The following CDK16 variants were observed in gnomAD, a reference collection of about 807,000 sequenced individuals.
The protein encoded by CDK16 is cyclin dependent kinase 16, also known as cyclin-dependent kinase 16.
CDK16 carries 2 observed loss-of-function variants against 41.6 expected under a neutral mutation model. That is an observed-to-expected ratio of 0.05 (90% CI 0.02 to 0.15). The LOEUF (loss-of-function observed/expected upper bound fraction) is 0.15. Ranked by LOEUF, CDK16 falls within the 10% of genes least tolerant of loss-of-function variation. CDK16 has a pLI of 1.00. For synonymous variants in CDK16, 169 were observed against 169.7 expected, an observed-to-expected ratio of 1.00 and a Z score of 0.03; for missense variants, 228 against 428.9, an observed-to-expected ratio of 0.53 and a Z score of 4.14.
At chrX:47,219,562 A>C (rs1483695261) in intron 1 of CDK16, among the ~76,000 whole-genome samples, 1 of 110,295 alleles carries the variant, frequency 9.1e-6, no homozygotes, top group Non-Finnish European at 1.9e-5. Flanking sequence ...AGACATGCTC[A>C]TAGGGATTAT....
At chrX:47,220,201 A>G (rs1330057672) in intron 1 of CDK16, among the ~76,000 whole-genome samples, 2 of 109,255 alleles carry the variant, frequency 1.8e-5, no homozygotes, top group Non-Finnish European at 3.8e-5. Context: ...TGAAGTCTGG[A>G]ATATGCTAAT....
intron 14 of CDK16, chrX:47,227,938 TCC>T (rs2055262600): frequency 8.5e-6 from 1 of 117,986 alleles, no homozygotes; most frequent in Non-Finnish European, 1.8e-5. Context: ...GTTTTTTCTG[TCC>T]TTGTACTTTA....
intron 13 of CDK16, 51 bp from the exon 14 acceptor site, chrX:47,227,328 C>A: frequency 9.0e-7 from 1 of 1,117,128 alleles, no homozygotes; most frequent in Non-Finnish European, 1.2e-6. Flanking sequence ...GGCAGAGAGA[C>A]CTACTTGTTG....
At position 47,227,119 on chromosome X, in the gene CDK16, G is replaced by A; in HGVS notation, c.1241+20G>A. On this transcript the variant is annotated intron_variant, in intron 12 of 15. Transcript: ENST00000357227. ...ACCCCGGTGAGGCTGGTGGGTGGGT[G>A]GGCGTTAGGGGCCAGAGTGTCCAAA... 1 of 1,205,855 alleles carries A rather than the reference G, an allele frequency of 8.3e-7. No individual in the cohort carries two copies. The highest frequency in any genetic ancestry group is 1.1e-6 in the Non-Finnish European group (1 of 890,403).
Position 47,225,002 on chromosome X carries a change from C to A in CDK16, c.534C>A (p.Thr178=), listed in dbSNP as rs1937513598. ...LDKLGEGTYA[T]VYKGKSKLTD... is the part of the protein sequence containing the mutation. Reference sequence around the variant, plus strand: ...TCACATTCCAGGGTACCTATGCCACCGTCTACAAAGGCAAAAGCAAGCTCA... The same window carrying A: ...TCACATTCCAGGGTACCTATGCCACAGTCTACAAAGGCAAAAGCAAGCTCA... Residue 178 remains threonine, a synonymous_variant, in exon 6 of 16, where the codon ACC becomes ACA. Transcript: ENST00000357227. The A allele has an allele frequency of 8.3e-7, 1 of 1,206,937 alleles. No homozygotes were observed. Among genetic ancestry groups the A allele is most frequent in the Non-Finnish European group, 1.1e-6 (1 of 892,611 alleles).
chrX:47,229,491 G>A lies in CDK16; in HGVS notation c.*723G>A, dbSNP rs913009793. On this transcript the variant is annotated 3_prime_UTR_variant, in exon 16 of 16. Coordinates refer to ENST00000357227, the MANE Select transcript of CDK16 (RefSeq NM_006201.5). ...ATGGGAAAGCATGCCACAGCCACTC[G>A]CCTTCCTACCCCCGCCCGCCATCCC... The A allele has an allele frequency of 2.9e-5, 8 of 280,326 alleles. No individual in the cohort carries two copies. The highest frequency in any genetic ancestry group is 4.8e-5 in the Non-Finnish European group (7 of 145,840). 23.1% of individuals were successfully genotyped at this position (280,326 alleles called of 1,213,427 possible). A position where few individuals can be genotyped will look rare whatever the true frequency, so the allele number is the denominator to read the frequency against.
upstream of CDK16, chrX:47,218,370 T>C: frequency 5.5e-6 from 2 of 363,844 alleles, no homozygotes; most frequent in Non-Finnish European, 4.7e-6. Context: ...CTCAAGGGAC[T>C]AGAACTGAGT....
Position 47,224,395 on chromosome X carries a change from C to T in CDK16, c.213C>T (p.His71=), listed in dbSNP as rs760484076. ...TCTCCCTGCCACCAGAGATTGTGCA[C>T]GAGGACTTGAAGATGGGGTCTGATG... ...GPLSSAPEIV[H]EDLKMGSDGE... The change falls in exon 3 of 16, where the codon CAC becomes CAT. Residue 71 remains histidine, a synonymous_variant. Transcript: ENST00000357227. 84 of 1,189,939 alleles carry T rather than the reference C, an allele frequency of 7.1e-5. No homozygotes were observed. The highest frequency in any genetic ancestry group is 9.0e-5 in the Non-Finnish European group (80 of 884,291).
rs756986406 is a variant in CDK16, at chrX:47,224,480, C to T, written c.298C>T (p.Arg100Cys). ...SDEVQSPVRV[R>C]MRNHPPRKIS... is the part of the protein sequence containing the mutation. ...TGAGGTGCAGTCTCCAGTGAGAGTG[C>T]GTATGCGCAACCATCCCCCACGCAA... Residue 100 changes from arginine to cysteine, a missense_variant, in exon 3 of 16, where the codon CGT becomes TGT. Around this residue, in one of 3 missense-constraint regions of CDK16, gnomAD observed 71 missense variants for 102.2 expected, o/e 0.69. Coordinates refer to ENST00000357227, the MANE Select transcript of CDK16 (RefSeq NM_006201.5). 21 of 1,202,067 alleles carry T rather than the reference C, an allele frequency of 1.7e-5. No individual in the cohort carries two copies. Among genetic ancestry groups the T allele is most frequent in the East Asian group, 3.0e-5 (1 of 33,627 alleles).
In CDK16 at chrX:47,223,561, G is replaced by A; in HGVS notation, c.4G>A (p.Asp2Asn). The A allele has an allele frequency of 8.3e-7, 1 of 1,210,940 alleles. No individual in the cohort carries two copies. Among genetic ancestry groups the A allele is most frequent in the Non-Finnish European group, 1.1e-6 (1 of 894,753 alleles). Reference sequence around the variant, plus strand: ...CTTGTCCCTTGCTCAGATCGCCATGGATCGGATGAAGAAGATCAAACGGCA... The same window carrying A: ...CTTGTCCCTTGCTCAGATCGCCATGAATCGGATGAAGAAGATCAAACGGCA... M[D>N]RMKKIKRQLS... The change falls in exon 2 of 16, where the codon GAT becomes AAT. Residue 2 changes from aspartate to asparagine, a missense_variant. Physicochemically the swap from Asp to Asn is conservative, Grantham distance 23 (BLOSUM62 1). Coordinates refer to ENST00000357227, the MANE Select transcript of CDK16 (RefSeq NM_006201.5).
intron 6 of CDK16, 99 bp from the exon 7 acceptor site, chrX:47,225,673 A>G: frequency 1.6e-6 from 1 of 624,054 alleles, no homozygotes; most frequent in African/African-American, 2.2e-5. Context: ...AGAGAAAGAA[A>G]GAAAACCTGG....
rs1421176095 is a variant in CDK16 at position 47,226,523 on chromosome X, C to G, written c.917-60C>G. The G allele has an allele frequency of 5.7e-5, 68 of 1,197,069 alleles. 2 individuals are homozygous for G. In the South Asian group the frequency reaches 1.1e-3, roughly 19 times the overall value. ...TAGGACACCCTCAGTCTCAACTGCA[C>G]TCTCCCCGAGACTTTGCCCATGACT... On this transcript the variant is annotated intron_variant, in intron 9 of 15. Transcript: ENST00000357227.
chrX:47,224,975 C>A lies in CDK16; in HGVS notation c.520-13C>A. On this transcript the variant is annotated splice_polypyrimidine_tract_variant and intron_variant, in intron 5 of 15. Coordinates refer to ENST00000357227, the MANE Select transcript of CDK16 (RefSeq NM_006201.5). The stretch of plus-strand genomic sequence containing the variant: ...TCATAGCACCTCTCCTGTCACACTT[C>A]CTCACATTCCAGGGTACCTATGCCA... The A allele has an allele frequency of 1.7e-6, 2 of 1,201,496 alleles. No individual in the cohort carries two copies. Among genetic ancestry groups the A allele is most frequent in the African/African-American group, 1.7e-5 (1 of 57,414 alleles).
At position 47,228,814 on chromosome X, in the gene CDK16, A is replaced by G; in HGVS notation, c.*46A>G. 2 of 1,149,104 alleles carry G rather than the reference A, an allele frequency of 1.7e-6. No individual in the cohort carries two copies. Among genetic ancestry groups the G allele is most frequent in the Non-Finnish European group, 2.4e-6 (2 of 844,488 alleles). 94.7% of individuals were successfully genotyped at this position (1,149,104 alleles called of 1,213,427 possible). Reference sequence around the variant, plus strand: ...CAGGCAGCGGCTGGAGGGATGCCACACCCCTCACAGGGCAGCCCCCAACTA... The same window carrying G: ...CAGGCAGCGGCTGGAGGGATGCCACGCCCCTCACAGGGCAGCCCCCAACTA... On this transcript the variant is annotated 3_prime_UTR_variant, in exon 16 of 16. Transcript: ENST00000357227.
upstream of CDK16, chrX:47,218,673 C>G (rs992620091): frequency 8.6e-7 from 1 of 1,167,986 alleles, no homozygotes; most frequent in East Asian, 3.2e-5. Context: ...AGGTGAGTCC[C>G]CTCCTTTCCA....
chrX:47,226,228 T>C, intron 8 of CDK16, 51 bp from the exon 9 acceptor site: 2 of 1,204,638 alleles, frequency 1.7e-6, no homozygotes, highest in Non-Finnish European at 2.2e-6. Context: ...CTGCTGGGGG[T>C]CGGGCTAGTG....
intron 1 of CDK16, among the ~76,000 whole-genome samples, chrX:47,220,171 C>T (rs1223819240): frequency 1.8e-5 from 2 of 109,789 alleles, no homozygotes; most frequent in African/African-American, 3.3e-5. Context: ...CAATGTGTGC[C>T]ATTTCGAGAG....
At position 47,229,018 on chromosome X, in the gene CDK16, A is replaced by G. The variant is rs973623963; in HGVS notation, c.*250A>G. On this transcript the variant is annotated 3_prime_UTR_variant, in exon 16 of 16. Coordinates refer to ENST00000357227, the MANE Select transcript of CDK16 (RefSeq NM_006201.5). The stretch of plus-strand genomic sequence containing the variant: ...TTGGTCTGTCTGTCTCTGTCTTGGT[A>G]GTTGCCGGTGGACAGCATGGCCGTG... The G allele has an allele frequency of 6.4e-6, 3 of 465,870 alleles. No homozygotes were observed. The Admixed American group carries it at 8.6e-5, about 13-fold the overall frequency. 38.4% of individuals were successfully genotyped at this position (465,870 alleles called of 1,213,427 possible).
At chrX:47,226,735 TGTG>T in intron 10 of CDK16, 32 bp downstream of exon 10, 1 of 1,193,374 alleles carries the variant, frequency 8.4e-7, no homozygotes, top group Non-Finnish European at 1.1e-6. Flanking sequence ...GCAGGGGCCA[TGTG>T]GTAAAGGGGG....
Sources: gnomAD v4.1 joint callset for allele counts (sites outside exome capture counted in the v4.1 genomes callset) on GRCh38, gnomAD v4.1.1 for gene constraint, gnomAD v4.1.1 regional missense constraint, MANE v1.5 for transcripts, NCBI Gene and HGNC (gene_info 2026-07-23, HGNC 2026-07-21) for gene names.